Variants in SLC13A3 observed in about 807,000 individuals in gnomAD.
SLC13A3 encodes Na(+)/dicarboxylate cotransporter 3.
SLC13A3 carries 40 observed loss-of-function variants against 59.0 expected under a neutral mutation model. That is an observed-to-expected ratio of 0.68 (90% CI 0.53 to 0.88). The LOEUF (loss-of-function observed/expected upper bound fraction) is 0.88. Among genes scored for constraint, SLC13A3 ranks in the 40% least tolerant of loss-of-function variants. SLC13A3 has a pLI of 0.00. For missense variants in SLC13A3, 699 were observed against 783.2 expected (o/e 0.89, Z 1.28); for synonymous variants, 317 against 330.3 (o/e 0.96, Z 0.44).
chr20:46,623,423 G>T (rs951514911), intron 1 of SLC13A3, among the ~76,000 whole-genome samples: 9 of 151,922 alleles, frequency 5.9e-5, no homozygotes, highest in African/African-American at 2.2e-4. Context: ...TTGAACCAAG[G>T]TCTAACTATG....
At chr20:46,628,838 T>A (rs2062706282) in intron 1 of SLC13A3, among the ~76,000 whole-genome samples, 1 of 152,238 alleles carries the variant, frequency 6.6e-6, no homozygotes, top group Non-Finnish European at 1.5e-5. Context: ...ATCTCCATCA[T>A]CACAGAAAGT....
chr20:46,672,468 A>G (rs1213737093), upstream of SLC13A3, among the ~76,000 whole-genome samples: 1 of 152,180 alleles, frequency 6.6e-6, no homozygotes, highest in East Asian at 1.9e-4. Context: ...TCTGACATGA[A>G]ATGAGGCAGG....
chr20:46,578,004 T>A (rs1252374980), intron 9 of SLC13A3, among the ~76,000 whole-genome samples: 1 of 152,192 alleles, frequency 6.6e-6, no homozygotes, highest in South Asian at 2.1e-4. Context: ...TTATTTTTAT[T>A]TATTTATTTT....
intron 9 of SLC13A3, among the ~76,000 whole-genome samples, chr20:46,579,799 T>C (rs922462558): frequency 6.6e-6 from 1 of 152,246 alleles, no homozygotes; most frequent in Non-Finnish European, 1.5e-5. Context: ...AAAATCTAGA[T>C]TTTTGGCTTC....
intron 3 of SLC13A3, among the ~76,000 whole-genome samples, chr20:46,609,365 T>C (rs1568934585): frequency 6.6e-6 from 1 of 152,202 alleles, no homozygotes; most frequent in Non-Finnish European, 1.5e-5. Context: ...TGGCTGTGTA[T>C]GTTTTGTTTT....
intron 3 of SLC13A3, among the ~76,000 whole-genome samples, chr20:46,602,633 G>A (rs1377780772): frequency 1.3e-5 from 2 of 152,118 alleles, no homozygotes; most frequent in Non-Finnish European, 2.9e-5. Context: ...ATGTCTGGGG[G>A]CATTTTTGGT....
chr20:46,578,600 C>T lies in SLC13A3; in HGVS notation c.1220-2915G>A, dbSNP rs188511073. Among the ~76,000 whole-genome samples, 917 of 151,996 alleles carry T rather than the reference C, an allele frequency of 6.0e-3. 7 individuals are homozygous for T. The highest frequency in any genetic ancestry group is 0.014 in the South Asian group (67 of 4,796). ...TTGAGGCATGAGAATCGCTTGAACC[C>T]GGGAGGCAGAAGTTGCAGTGAGCTG... On this transcript the variant is annotated intron_variant, in intron 9 of 12. Transcript: ENST00000279027.
chr20:46,625,288 T>C (rs945674863), intron 1 of SLC13A3, among the ~76,000 whole-genome samples: 2 of 152,246 alleles, frequency 1.3e-5, no homozygotes, highest in African/African-American at 4.8e-5. Context: ...GATGATCACC[T>C]GGAACTGACC....
At chr20:46,644,515 A>G (rs1260393373) in intron 1 of SLC13A3, among the ~76,000 whole-genome samples, 4 of 152,366 alleles carry the variant, frequency 2.6e-5, no homozygotes, top group Middle Eastern at 3.4e-3. Context: ...AAAATAAAAT[A>G]AAATGTACAT....
At chr20:46,675,220 T>C (rs1015269343) in intron 1 of SLC13A3, among the ~76,000 whole-genome samples, 3 of 151,512 alleles carry the variant, frequency 2.0e-5, no homozygotes, top group Non-Finnish European at 4.4e-5. Flanking sequence ...TTTTCCTTTT[T>C]TTCTTTTCTT....
chr20:46,669,979 T>C (rs985451504), intron 1 of SLC13A3: 1 of 152,060 alleles, frequency 6.6e-6, no homozygotes, highest in African/African-American at 2.4e-5. Context: ...GGCCAGTGTG[T>C]AAAGAAAGAA....
At chr20:46,617,746 C>T (rs78121255) in intron 1 of SLC13A3, among the ~76,000 whole-genome samples, 2,858 of 152,300 alleles carry the variant, frequency 0.019, 106 homozygotes, top group African/African-American at 0.065. Context: ...GGCAGAAGAA[C>T]ATCCATGTAT....
At chr20:46,564,183 C>A (rs773591256) in intron 11 of SLC13A3, among the ~76,000 whole-genome samples, 2 of 152,216 alleles carry the variant, frequency 1.3e-5, no homozygotes, top group Admixed American at 1.3e-4. Context: ...TTGTTGGGGG[C>A]ATCCCTGGAT....
intron 1 of SLC13A3, among the ~76,000 whole-genome samples, chr20:46,639,241 C>T (rs1435864887): frequency 2.0e-5 from 3 of 152,074 alleles, no homozygotes; most frequent in Admixed American, 2.0e-4. Context: ...AGGGGCAGAT[C>T]ACCTGAGGTC....
intron 8 of SLC13A3, 49 bp from the exon 9 acceptor site, chr20:46,583,718 C>A: frequency 6.2e-7 from 1 of 1,609,052 alleles, no homozygotes; most frequent in South Asian, 1.1e-5. Context: ...TCTCAGCGGG[C>A]CGAGGTTTGG....
At chr20:46,567,462 A>T (rs1299834492) in intron 10 of SLC13A3, among the ~76,000 whole-genome samples, 2 of 152,114 alleles carry the variant, frequency 1.3e-5, no homozygotes, top group African/African-American at 2.4e-5. Context: ...CCCTAAAAGT[A>T]GTGCCTGAGA....
intron 3 of SLC13A3, among the ~76,000 whole-genome samples, chr20:46,600,865 G>A (rs2062373258): frequency 6.6e-6 from 1 of 152,226 alleles, no homozygotes; most frequent in African/African-American, 2.4e-5. Flanking sequence ...ATAGAACTGG[G>A]TAATGTGACT....
chr20:46,587,576 T>C (rs1568922449), intron 8 of SLC13A3, among the ~76,000 whole-genome samples: 1 of 152,204 alleles, frequency 6.6e-6, no homozygotes, highest in South Asian at 2.1e-4. Context: ...TTCCTAAGCT[T>C]TGGCTCTTCC....
rs745555517 is a variant in SLC13A3 at position 46,592,533 on chromosome 20, G to A, written c.795-4C>T. 2 of 1,613,340 alleles carry A rather than the reference G, an allele frequency of 1.2e-6. No homozygotes were observed. Among genetic ancestry groups the A allele is most frequent in the East Asian group, 2.2e-5 (1 of 44,862 alleles). On this transcript the variant is annotated splice_polypyrimidine_tract_variant and splice_region_variant and intron_variant, in intron 5 of 12. Coordinates refer to ENST00000279027, the MANE Select transcript of SLC13A3 (RefSeq NM_022829.6). ...CACGTCACACTGCGGAAAGAAACTG[G>A]AGAACAGCGGGAGATGAGAACAGGC...
Sources: allele counts gnomAD v4.1 joint callset (sites outside exome capture counted in the v4.1 genomes callset), GRCh38; gene constraint gnomAD v4.1.1; transcripts MANE v1.5; gene names NCBI Gene and HGNC (gene_info 2026-07-23, HGNC 2026-07-21).